CLN8: variants seen among roughly 807,000 people sequenced by gnomAD.
CLN8 encodes protein CLN8.
In CLN8, 14 loss-of-function variants were observed where a neutral mutation model predicts 15.7. That is an observed-to-expected ratio of 0.89 (90% CI 0.59 to 1.39). The LOEUF (loss-of-function observed/expected upper bound fraction) is 1.39. CLN8 is among the 40% of genes most tolerant of loss of function. CLN8 has a pLI of 0.00. For synonymous variants in CLN8, 188 were observed against 151.0 expected (o/e 1.25, Z -1.80); for missense variants, 415 against 364.0 (o/e 1.14, Z -1.14).
Position 1,781,872 on chromosome 8 carries a change from C to A in CLN8, c.*1305C>A, listed in dbSNP as rs1481868119. 2.6e-5 allele frequency: 4 copies of A among 151,886 alleles called. No homozygotes were observed. The highest frequency in any genetic ancestry group is 9.7e-5 in the African/African-American group (4 of 41,304). The allele number at this position is 151,886 out of a possible 1,614,324, so 9.4% of individuals were successfully genotyped here. The stretch of plus-strand genomic sequence containing the variant: ...GCAATGAGCTGCCTGATGATGAGTC[C>A]CAAGGTACATTGTTCTACTGTTTTA... On this transcript the variant is annotated 3_prime_UTR_variant, in exon 3 of 3. Coordinates refer to ENST00000331222, the MANE Select transcript of CLN8 (RefSeq NM_018941.4).
chr8:1,756,432 C>T (rs191361069), intron 1 of CLN8, among the ~76,000 whole-genome samples: 95 of 149,504 alleles, frequency 6.4e-4, no homozygotes, highest in African/African-American at 1.9e-3. Context: ...TGCAGTGAGC[C>T]GAGACCGCAC....
At chr8:1,758,774 T>A (rs1800727328), upstream of CLN8, 1 of 152,168 alleles carries the variant, frequency 6.6e-6, no homozygotes. Flanking sequence ...TGTAGAGACC[T>A]GGAATGAATA....
intron 2 of CLN8, among the ~76,000 whole-genome samples, chr8:1,776,110 T>C (rs1212211509): frequency 1.3e-5 from 2 of 152,104 alleles, no homozygotes; most frequent in African/African-American, 4.8e-5. Context: ...CAGAAGATTC[T>C]GGAAGCTGGA....
At chr8:1,773,592 T>C (rs1256724305) in intron 2 of CLN8, 4 of 152,286 alleles carry the variant, frequency 2.6e-5, no homozygotes, top group Non-Finnish European at 5.9e-5. Flanking sequence ...CAGCATCCTG[T>C]ACGCAGCTTG....
rs753009900 is a variant in CLN8, at chr8:1,771,429, C to A, written c.375C>A (p.Asn125Lys). 8.1e-6 allele frequency: 13 copies of A among 1,614,096 alleles called. No individual in the cohort carries two copies. Among genetic ancestry groups the A allele is most frequent in the Non-Finnish European group, 8.5e-7 (1 of 1,180,054 alleles). ...AAAATGTTGCAGTCCACCTGTCCAACTTGATCTTCCGGACATTTGACTTGT... is the reference window on the plus strand; with the variant it reads ...AAAATGTTGCAGTCCACCTGTCCAAATTGATCTTCCGGACATTTGACTTGT... ...CFENVAVHLS[N>K]LIFRTFDLFL... is the part of the protein sequence containing the mutation. Residue 125 changes from asparagine (N) to lysine (K), a missense_variant, in exon 2 of 3, where the codon AAC (asparagine) becomes AAA (lysine). Physicochemically the swap from Asn to Lys is moderately conservative, Grantham distance 94. Coordinates refer to ENST00000331222, the MANE Select transcript of CLN8 (RefSeq NM_018941.4).
In CLN8 at chr8:1,771,119, GGATCCGCTC is replaced by G; in HGVS notation, c.66_74del (p.Ile23_Ser25del). 1 of 1,614,008 alleles carries G rather than the reference GGATCCGCTC, an allele frequency of 6.2e-7. No homozygotes were observed. The highest frequency in any genetic ancestry group is 8.5e-7 in the Non-Finnish European group (1 of 1,180,024). On this transcript the variant is annotated inframe_deletion, in exon 2 of 3. Transcript: ENST00000331222. The stretch of plus-strand genomic sequence containing the variant: ...TTTGACCTGGACTATGCATCCTGGG[GGATCCGCTC>G]CACGCTGATGGTCGCTGGCTTTGTC...
At chr8:1,769,373 C>T (rs1216322581) in intron 1 of CLN8, among the ~76,000 whole-genome samples, 1 of 152,176 alleles carries the variant, frequency 6.6e-6, no homozygotes, top group African/African-American at 2.4e-5. Flanking sequence ...GTGAATGGCT[C>T]CTCCTATGCT....
intron 1 of CLN8, among the ~76,000 whole-genome samples, chr8:1,769,074 G>A (rs1411301506): frequency 6.6e-6 from 1 of 152,198 alleles, no homozygotes; most frequent in Non-Finnish European, 1.5e-5. Context: ...GAGTACCAGT[G>A]CTGTCTTTCC....
chr8:1,769,186 C>A (rs905018011), intron 1 of CLN8, among the ~76,000 whole-genome samples: 2 of 152,270 alleles, frequency 1.3e-5, no homozygotes, highest in South Asian at 4.1e-4. Flanking sequence ...TGATTATAGA[C>A]CATTATCAAA....
At chr8:1,753,881 C>T (rs1406767702), upstream of CLN8, among the ~76,000 whole-genome samples, 2 of 150,312 alleles carry the variant, frequency 1.3e-5, no homozygotes, top group Non-Finnish European at 1.5e-5. Flanking sequence ...AGTGAACCTC[C>T]ATCTCAAAAA....
chr8:1,764,126 G>A (rs1303825029), intron 1 of CLN8, among the ~76,000 whole-genome samples: 1 of 152,150 alleles, frequency 6.6e-6, no homozygotes, highest in Non-Finnish European at 1.5e-5. Flanking sequence ...CCACGTGAGG[G>A]GGAGCCCGGG....
Position 1,785,667 on chromosome 8 carries a change from G to A in CLN8, c.*5100G>A, listed in dbSNP as rs1801811536. The A allele has an allele frequency of 9.0e-6, 1 of 110,880 alleles. No homozygotes were observed. Among genetic ancestry groups the A allele is most frequent in the African/African-American group, 3.5e-5 (1 of 28,182 alleles). 6.9% of individuals were successfully genotyped at this position (110,880 alleles called of 1,614,324 possible). A position where few individuals can be genotyped will look rare whatever the true frequency, so the allele number is the denominator to read the frequency against. On this transcript the variant is annotated 3_prime_UTR_variant, in exon 3 of 3. Coordinates refer to ENST00000331222, the MANE Select transcript of CLN8 (RefSeq NM_018941.4). Reference sequence around the variant, plus strand: ...GTACCGGTCAGATTACGGTGACACAGGCGGCGTGGGGTTAGACAGGTACCG... The same window carrying A: ...GTACCGGTCAGATTACGGTGACACAAGCGGCGTGGGGTTAGACAGGTACCG...
chr8:1,779,607 C>G (rs778239355), intron 2 of CLN8, among the ~76,000 whole-genome samples: 2 of 152,342 alleles, frequency 1.3e-5, no homozygotes, highest in Middle Eastern at 3.4e-3. Flanking sequence ...CCACAGCAGA[C>G]TGCCATAGAC....
In CLN8 at chr8:1,780,761, G is replaced by C; in HGVS notation, c.*194G>C. 1 of 642,886 alleles carries C rather than the reference G, an allele frequency of 1.6e-6. No homozygotes were observed. 39.8% of individuals were successfully genotyped at this position (642,886 alleles called of 1,614,324 possible). On this transcript the variant is annotated 3_prime_UTR_variant, in exon 3 of 3. Coordinates refer to ENST00000331222, the MANE Select transcript of CLN8 (RefSeq NM_018941.4). ...TATTTTTAAGAAATTATAATTTTAT[G>C]ACTGTCTGGCAGGCTCTGTCAGTTT...
chr8:1,776,087 A>G (rs1801500941), intron 2 of CLN8, among the ~76,000 whole-genome samples: 1 of 151,098 alleles, frequency 6.6e-6, no homozygotes, highest in South Asian at 2.1e-4. Context: ...GTGGTGCTCC[A>G]CACACATGAT....
chr8:1,762,208 CAG>C (rs1800815190), upstream of CLN8: 1 of 152,064 alleles, frequency 6.6e-6, no homozygotes, highest in African/African-American at 2.4e-5. Flanking sequence ...TTTTTTGAGA[CAG>C]AGTTTCATTC....
At chr8:1,754,353 A>G (rs1042287136), upstream of CLN8, among the ~76,000 whole-genome samples, 1 of 152,212 alleles carries the variant, frequency 6.6e-6, no homozygotes, top group African/African-American at 2.4e-5. Flanking sequence ...CATTGGCTTT[A>G]GATAATCGCC....
rs917669163 is a variant in CLN8, at chr8:1,781,385, A to T, written c.*818A>T. The T allele has an allele frequency of 6.9e-6, 1 of 144,160 alleles. No individual in the cohort carries two copies. The highest frequency in any genetic ancestry group is 2.6e-5 in the African/African-American group (1 of 38,298). 8.9% of individuals were successfully genotyped at this position (144,160 alleles called of 1,614,324 possible). A position where few individuals can be genotyped will look rare whatever the true frequency, so the allele number is the denominator to read the frequency against. On this transcript the variant is annotated 3_prime_UTR_variant, in exon 3 of 3. Transcript: ENST00000331222. ...TCTCTCAAAAAAAAAAAAAAAAAAA[A>T]ATTCTAGACCGAAGTGTACGGCAGT...
Position 1,783,439 on chromosome 8 carries a change from A to G in CLN8, c.*2872A>G, listed in dbSNP as rs1278898068. 6.6e-6 allele frequency: 1 copy of G among 152,244 alleles called. No individual in the cohort carries two copies. Among genetic ancestry groups the G allele is most frequent in the African/African-American group, 2.4e-5 (1 of 41,458 alleles). 9.4% of individuals were successfully genotyped at this position (152,244 alleles called of 1,614,324 possible). A position where few individuals can be genotyped will look rare whatever the true frequency, so the allele number is the denominator to read the frequency against. On this transcript the variant is annotated 3_prime_UTR_variant, in exon 3 of 3. Coordinates refer to ENST00000331222, the MANE Select transcript of CLN8 (RefSeq NM_018941.4). Reference sequence around the variant, plus strand: ...GAAAATGGCCCTGCGTTTAGCCAGGATGTGGCTCTCCAGCTTGGCTTCAGT... The same window carrying G: ...GAAAATGGCCCTGCGTTTAGCCAGGGTGTGGCTCTCCAGCTTGGCTTCAGT...
Sources: gnomAD v4.1 joint callset for allele counts (sites outside exome capture counted in the v4.1 genomes callset) on GRCh38, gnomAD v4.1.1 for gene constraint, MANE v1.5 for transcripts, NCBI Gene and HGNC (gene_info 2026-07-23, HGNC 2026-07-21) for gene names.